RPAP2: variants seen among roughly 807,000 people sequenced by gnomAD.
The protein encoded by RPAP2 is putative RNA polymerase II subunit B1 CTD phosphatase RPAP2.
In RPAP2, 52 loss-of-function variants were observed where a neutral mutation model predicts 73.1. The observed-to-expected ratio is 0.71, with a 90% CI of 0.57 to 0.90. RPAP2 has a LOEUF of 0.90. Among genes scored for constraint, RPAP2 ranks in the 40% least tolerant of loss-of-function variants. The pLI is 0.00. For synonymous variants in RPAP2, 225 were observed against 242.1 expected, an observed-to-expected ratio of 0.93 and a Z score of 0.65; for missense variants, 598 against 701.8, an observed-to-expected ratio of 0.85 and a Z score of 1.67.
chr1:92,359,624 A>G (rs1438747766), intron 11 of RPAP2, among the ~76,000 whole-genome samples: 1 of 152,188 alleles, frequency 6.6e-6, no homozygotes, highest in Non-Finnish European at 1.5e-5. Context: ...CTGGCAATGC[A>G]CTTGGTTTTA....
In RPAP2 at chr1:92,371,528, A is replaced by G. The variant is rs375854417; in HGVS notation, c.1689-9196A>G. Among the ~76,000 whole-genome samples, 5 of 151,848 alleles carry G rather than the reference A, an allele frequency of 3.3e-5. No homozygotes were observed. In the East Asian group the frequency reaches 7.7e-4, roughly 23 times the overall value. On this transcript the variant is annotated intron_variant, in intron 11 of 12. Transcript: ENST00000610020. Reference sequence around the variant, plus strand: ...AATAGCCAAGATATGGAATCAGCCGAAGTGTCCATCAACAGATACATGAAT... The same window carrying G: ...AATAGCCAAGATATGGAATCAGCCGGAGTGTCCATCAACAGATACATGAAT...
At chr1:92,301,099 CAA>C (rs1650823045) in intron 2 of RPAP2, among the ~76,000 whole-genome samples, 1 of 152,140 alleles carries the variant, frequency 6.6e-6, no homozygotes, top group African/African-American at 2.4e-5. Context: ...ATTAACCATA[CAA>C]AGAGTATATA....
At chr1:92,344,926 AT>A (rs1472068708) in intron 10 of RPAP2, among the ~76,000 whole-genome samples, 1 of 152,084 alleles carries the variant, frequency 6.6e-6, no homozygotes, top group African/African-American at 2.4e-5. Flanking sequence ...ATATTTTCTT[AT>A]TGATTTATAT....
At chr1:92,379,992 G>A (rs1655554238) in intron 11 of RPAP2, among the ~76,000 whole-genome samples, 1 of 151,124 alleles carries the variant, frequency 6.6e-6, no homozygotes. Flanking sequence ...AGGCATGGTG[G>A]CTCACGCCTG....
rs949879465 is a variant in RPAP2 at position 92,300,209 on chromosome 1, G to A, written c.89G>A (p.Ser30Asn). Reference protein sequence around the residue: ...SRKAAGTKQTSTLKQEDASKR... With the variant: ...SRKAAGTKQTNTLKQEDASKR... Reference sequence around the variant, plus strand: ...TTTATTGTAGGTACTAAACAGACAAGTACTTTGAAACAAGAAGATGCTTCT... The same window carrying A: ...TTTATTGTAGGTACTAAACAGACAAATACTTTGAAACAAGAAGATGCTTCT... The change falls in exon 2 of 13, where the codon AGT (serine) becomes AAT (asparagine). Residue 30 changes from serine (S) to asparagine (N), a missense_variant. Physicochemically the swap from Ser to Asn is conservative, Grantham distance 46. This residue lies in a region of RPAP2 where 77 missense variants were observed against 55.7 expected (regional missense o/e 1.38). Transcript: ENST00000610020. 1.9e-6 allele frequency: 3 copies of A among 1,610,060 alleles called. No individual in the cohort carries two copies. Among genetic ancestry groups the A allele is most frequent in the African/African-American group, 2.7e-5 (2 of 74,738 alleles).
chr1:92,336,328 G>T lies in RPAP2; in HGVS notation c.1539-19G>T, dbSNP rs749356564. 3 of 1,572,542 alleles carry T rather than the reference G, an allele frequency of 1.9e-6. No individual in the cohort carries two copies. Among genetic ancestry groups the T allele is most frequent in the Non-Finnish European group, 2.6e-6 (3 of 1,147,876 alleles). ...CATATAATTTTGTTTTAAAATAAAT[G>T]TAATTTTTAAATTTTCAGGTTGCCT... On this transcript the variant is annotated intron_variant, in intron 9 of 12. Transcript: ENST00000610020.
intron 12 of RPAP2, among the ~76,000 whole-genome samples, chr1:92,383,967 C>T (rs1571154362): frequency 6.7e-6 from 1 of 149,280 alleles, no homozygotes; most frequent in Non-Finnish European, 1.5e-5. Context: ...ATAAAACAAT[C>T]TTTTTTTTTT....
chr1:92,323,467 C>T lies in RPAP2; in HGVS notation c.547C>T (p.Gln183Ter). 1 of 1,597,958 alleles carries T rather than the reference C, an allele frequency of 6.3e-7. No individual in the cohort carries two copies. The highest frequency in any genetic ancestry group is 2.2e-5 in the East Asian group (1 of 44,622). Residue 183 changes from glutamine to a stop codon, truncating the protein, a stop_gained, in exon 8 of 13, where the codon CAG becomes TAG. Transcript: ENST00000610020. LOFTEE classifies it high-confidence loss of function. ...EQSGHSGEEV[Q>*]LCSKAIKTSD... is the part of the protein sequence containing the mutation. ...CAGTGGCCATTCTGGAGAAGAAGTA[C>T]AGTTATGCAGTAAAGCCATTAAAAC... is the stretch of plus-strand genomic sequence containing the variant.
chr1:92,384,344 G>A (rs1480437208), intron 12 of RPAP2, among the ~76,000 whole-genome samples: 4 of 151,826 alleles, frequency 2.6e-5, no homozygotes, highest in African/African-American at 4.8e-5. Context: ...ATACCAGACC[G>A]GGTGCGCAGT....
chr1:92,397,274 CA>C lies in RPAP2; in HGVS notation c.*10264del. The C allele has an allele frequency of 6.6e-6, 1 of 152,194 alleles. No individual in the cohort carries two copies. The allele number at this position is 152,194 out of a possible 1,614,324, so 9.4% of individuals were successfully genotyped here. Reference sequence around the variant, plus strand: ...GCATGGCGGTGTATGCCTGGAGTCCCAGCTACTCAGGAGTCAGAGGTGGGAG... The same window carrying C: ...GCATGGCGGTGTATGCCTGGAGTCCCGCTACTCAGGAGTCAGAGGTGGGAG... On this transcript the variant is annotated 3_prime_UTR_variant, in exon 13 of 13. Coordinates refer to ENST00000610020, the MANE Select transcript of RPAP2 (RefSeq NM_024813.3).
In RPAP2 at chr1:92,399,826, GC is replaced by G. The variant is rs892889449; in HGVS notation, c.*12817del. Reference sequence around the variant, plus strand: ...TTTAGACAGAGTCACTTTCACTATGGCCACAATGGGAGAAAAGACAGTCCAC... The same window carrying G: ...TTTAGACAGAGTCACTTTCACTATGGCACAATGGGAGAAAAGACAGTCCAC... On this transcript the variant is annotated 3_prime_UTR_variant, in exon 13 of 13. Transcript: ENST00000610020. 2 of 152,094 alleles carry G rather than the reference GC, an allele frequency of 1.3e-5. No homozygotes were observed. The highest frequency in any genetic ancestry group is 4.8e-5 in the African/African-American group (2 of 41,412). The allele number at this position is 152,094 out of a possible 1,614,324, so 9.4% of individuals were successfully genotyped here.
At chr1:92,327,124 G>T (rs1652680859) in intron 8 of RPAP2, among the ~76,000 whole-genome samples, 1 of 152,132 alleles carries the variant, frequency 6.6e-6, no homozygotes. Flanking sequence ...TTGTTCTAGG[G>T]TATAATCAAA....
At chr1:92,383,360 A>G (rs1655729437) in intron 12 of RPAP2, among the ~76,000 whole-genome samples, 1 of 152,238 alleles carries the variant, frequency 6.6e-6, no homozygotes, top group Non-Finnish European at 1.5e-5. Flanking sequence ...TACCTTGGGC[A>G]GTATGGCCAT....
rs1234123427 is a variant in RPAP2, at chr1:92,391,705, C to A, written c.*4694C>A. 6.6e-6 allele frequency: 1 copy of A among 152,100 alleles called. No homozygotes were observed. The highest frequency in any genetic ancestry group is 2.4e-5 in the African/African-American group (1 of 41,420). The allele number at this position is 152,100 out of a possible 1,614,324, so 9.4% of individuals were successfully genotyped here. A position where few individuals can be genotyped will look rare whatever the true frequency, so the allele number is the denominator to read the frequency against. On this transcript the variant is annotated 3_prime_UTR_variant, in exon 13 of 13. Coordinates refer to ENST00000610020, the MANE Select transcript of RPAP2 (RefSeq NM_024813.3). Reference sequence around the variant, plus strand: ...ATAAAAAATGATAAAGGGGATATCACCACTGATCCCACAGAAATACAAACT... The same window carrying A: ...ATAAAAAATGATAAAGGGGATATCAACACTGATCCCACAGAAATACAAACT...
chr1:92,336,765 A>C (rs1166179841), intron 10 of RPAP2, among the ~76,000 whole-genome samples: 3 of 152,150 alleles, frequency 2.0e-5, no homozygotes, highest in Admixed American at 6.5e-5. Context: ...TGCACCAGGC[A>C]CTATGGGTAA....
intron 11 of RPAP2, among the ~76,000 whole-genome samples, chr1:92,351,289 G>A (rs6692287): frequency 0.49 from 65,552 of 134,208 alleles, 16,576 homozygotes; most frequent in East Asian, 0.96. Flanking sequence ...CCTGGTGACC[G>A]AGTGAGACTC....
At chr1:92,338,942 C>T (rs1423438604) in intron 10 of RPAP2, among the ~76,000 whole-genome samples, 1 of 152,028 alleles carries the variant, frequency 6.6e-6, no homozygotes, top group African/African-American at 2.4e-5. Context: ...TTGCCATTCA[C>T]CCTCCTGCAG....
intron 11 of RPAP2, among the ~76,000 whole-genome samples, chr1:92,373,739 T>TAAAAAAAAAA (rs59586077): frequency 1.6e-4 from 13 of 80,536 alleles, no homozygotes; most frequent in Non-Finnish European, 3.2e-4. Flanking sequence ...CTACTAAAAA[T>TAAAAAAAAAA]AAAAAAAAAA....
intron 6 of RPAP2, among the ~76,000 whole-genome samples, chr1:92,309,610 CACATACACATACACATAT>C (rs1418781762): frequency 6.0e-5 from 8 of 133,054 alleles, no homozygotes; most frequent in Non-Finnish European, 1.3e-4. Context: ...CATACACATA[CACATACACATACACATAT>C]ACAAGTATAA....
Sources: allele counts gnomAD v4.1 joint callset (sites outside exome capture counted in the v4.1 genomes callset), GRCh38; gene constraint gnomAD v4.1.1; regional missense constraint gnomAD v4.1.1; transcripts MANE v1.5; gene names NCBI Gene and HGNC (gene_info 2026-07-23, HGNC 2026-07-21).